Variants in TTLL4 observed in about 807,000 individuals in gnomAD.
The protein encoded by TTLL4 is tubulin monoglutamylase TTLL4.
A neutral mutation model predicts 122.7 loss-of-function variants in TTLL4; 85 were observed. The ratio of observed to expected loss-of-function variants is 0.69; its 90% confidence interval spans 0.58 to 0.83. The LOEUF (loss-of-function observed/expected upper bound fraction) is 0.83. TTLL4 is among the 40% of genes least tolerant of loss of function. The pLI is 0.00. For missense variants in TTLL4, 1,363 were observed against 1,488.6 expected (o/e 0.92, Z 1.39); for synonymous variants, 553 against 563.0 (o/e 0.98, Z 0.25).
intron 18 of TTLL4, 58 bp downstream of exon 18, chr2:218,753,243 A>T: frequency 6.3e-7 from 1 of 1,589,084 alleles, no homozygotes; most frequent in African/African-American, 1.3e-5. Context: ...CCTCTGCCTT[A>T]TGAGTGCAGC....
chr2:218,750,226 G>A, intron 15 of TTLL4, 80 bp downstream of exon 15: 1 of 1,540,224 alleles, frequency 6.5e-7, no homozygotes, highest in Admixed American at 2.0e-5. Flanking sequence ...TGGGTTCTGG[G>A]TGCTCCCTTC....
intron 2 of TTLL4, among the ~76,000 whole-genome samples, chr2:218,732,648 C>A (rs886867303): frequency 2.0e-5 from 3 of 152,200 alleles, no homozygotes; most frequent in Non-Finnish European, 2.9e-5. Flanking sequence ...TCACTTCCTT[C>A]ACTTCTTAGA....
At chr2:218,745,425 C>A in intron 6 of TTLL4, 192 bp downstream of exon 6, 1 of 709,978 alleles carries the variant, frequency 1.4e-6, no homozygotes, top group Non-Finnish European at 2.3e-6. Flanking sequence ...TTAGCTGACC[C>A]TTTTCAGCCT....
chr2:218,729,928 G>A (rs1381299086), intron 2 of TTLL4, among the ~76,000 whole-genome samples: 3 of 151,916 alleles, frequency 2.0e-5, no homozygotes, highest in African/African-American at 7.3e-5. Context: ...ATTTTTTGTA[G>A]AGATAATGTC....
chr2:218,752,117 A>G (rs891920664), intron 16 of TTLL4, among the ~76,000 whole-genome samples: 2 of 152,134 alleles, frequency 1.3e-5, no homozygotes, highest in African/African-American at 4.8e-5. Context: ...CATGTTGGTC[A>G]GGCTGGTCTC....
chr2:218,755,515 C>T (rs985623528), downstream of TTLL4: 1 of 152,110 alleles, frequency 6.6e-6, no homozygotes, highest in South Asian at 2.1e-4. Flanking sequence ...GAAAGTGGAA[C>T]CTGGGAACAG....
intron 15 of TTLL4, among the ~76,000 whole-genome samples, chr2:218,750,691 T>C (rs1445393632): frequency 6.6e-6 from 1 of 152,174 alleles, no homozygotes; most frequent in African/African-American, 2.4e-5. Flanking sequence ...TAAGGACCAG[T>C]TGGTCCAGTC....
intron 12 of TTLL4, 186 bp from the exon 13 acceptor site, chr2:218,748,650 A>G (rs1942916963): frequency 4.0e-6 from 2 of 498,680 alleles, no homozygotes; most frequent in South Asian, 2.5e-5. Flanking sequence ...GTGAAACTCC[A>G]TCTCAAAAAA....
intron 4 of TTLL4, 37 bp downstream of exon 4, chr2:218,740,204 G>A (rs775054927): frequency 1.4e-5 from 22 of 1,598,326 alleles, no homozygotes; most frequent in Non-Finnish European, 1.2e-5. Context: ...ACTAGGAGTT[G>A]GTTATGACCT....
At chr2:218,723,911 A>G (rs1942114132) in intron 1 of TTLL4, among the ~76,000 whole-genome samples, 1 of 152,212 alleles carries the variant, frequency 6.6e-6, no homozygotes, top group Admixed American at 6.5e-5. Flanking sequence ...CAATATTTGG[A>G]TAAGATCTGT....
In TTLL4 at chr2:218,748,670, A is replaced by AAAAG. The variant is rs1942918636; in HGVS notation, c.2502-163_2502-162insGAAA. On this transcript the variant is annotated intron_variant, in intron 12 of 19. Transcript: ENST00000392102. ...ACTCCATCTCAAAAAAAAAAAAAAA[A>AAAAG]AAAAAGAATTGGTCTATTTGCATCC... The AAAAG allele has an allele frequency of 3.3e-5, 19 of 573,136 alleles. No homozygotes were observed. The South Asian group carries it at 4.7e-4, about 14-fold the overall frequency. 35.5% of individuals were successfully genotyped at this position (573,136 alleles called of 1,614,324 possible).
At chr2:218,743,559 ATGCCCAGGAG>A (rs1444535283) in intron 5 of TTLL4, among the ~76,000 whole-genome samples, 6 of 152,198 alleles carry the variant, frequency 3.9e-5, no homozygotes, top group Non-Finnish European at 7.3e-5. Context: ...TCTGGGATAA[ATGCCCAGGAG>A]TGCAATTGCT....
intron 8 of TTLL4, 54 bp downstream of exon 8, chr2:218,746,285 G>A (rs1244153226): frequency 3.1e-6 from 5 of 1,593,792 alleles, no homozygotes; most frequent in African/African-American, 1.3e-5. Flanking sequence ...AGGCCAAGAG[G>A]AGGGGGATGA....
At chr2:218,750,609 C>T (rs995642259) in intron 15 of TTLL4, among the ~76,000 whole-genome samples, 4 of 152,142 alleles carry the variant, frequency 2.6e-5, no homozygotes, top group Non-Finnish European at 5.9e-5. Flanking sequence ...ATCTCTCTTT[C>T]TTCTTCCTCT....
Position 218,747,148 on chromosome 2 carries a change from G to A in TTLL4, c.2120G>A (p.Arg707His), listed in dbSNP as rs115789963. The A allele has an allele frequency of 2.8e-3, 4,552 of 1,614,186 alleles. 12 individuals carry two copies. The highest frequency in any genetic ancestry group is 3.5e-3 in the Non-Finnish European group (4,167 of 1,180,036). ...FILPQDAKLLRKAWESSSRQK... is the reference protein window; with the variant it reads ...FILPQDAKLLHKAWESSSRQK... Reference sequence around the variant, plus strand: ...CTGCCCCAGGACGCCAAGCTCCTGCGCAAAGCGTGGGAGAGCAGCAGCCGC... The same window carrying A: ...CTGCCCCAGGACGCCAAGCTCCTGCACAAAGCGTGGGAGAGCAGCAGCCGC... The change falls in exon 9 of 20, where the codon CGC becomes CAC. Residue 707 changes from arginine (R) to histidine (H), a missense_variant. Physicochemically the swap from Arg to His is conservative, Grantham distance 29. This residue lies in a region of TTLL4 where 596 missense variants were observed against 655.8 expected (regional missense o/e 0.91). Transcript: ENST00000392102. This position sits in a 1 kb window ranked among gnomAD's most constrained non-coding sequence, Gnocchi z 4.7.
At position 218,738,244 on chromosome 2, in the gene TTLL4, G is replaced by A. The variant is rs531115885; in HGVS notation, c.568G>A (p.Glu190Lys). The stretch of plus-strand genomic sequence containing the variant: ...ATACCTCTGCTTGGCAGCGGCTGGG[G>A]AAAACCCTTCAGGGAAGAGCCTGGC... ...EPYLCLAAAG[E>K]NPSGKSLASA... The change falls in exon 3 of 20, where the codon GAA becomes AAA. Residue 190 changes from glutamate (E) to lysine (K), a missense_variant. Coordinates refer to ENST00000392102, the MANE Select transcript of TTLL4 (RefSeq NM_014640.5). The A allele has an allele frequency of 6.2e-7, 1 of 1,613,912 alleles. No homozygotes were observed. Among genetic ancestry groups the A allele is most frequent in the African/African-American group, 1.3e-5 (1 of 74,988 alleles).
At chr2:218,743,254 T>G (rs183010181) in intron 5 of TTLL4, among the ~76,000 whole-genome samples, 27 of 152,340 alleles carry the variant, frequency 1.8e-4, no homozygotes, top group Admixed American at 1.5e-3. Context: ...TAGTTCTCCT[T>G]TTTGTCATTT....
In TTLL4 at chr2:218,754,730, G is replaced by A; in HGVS notation, c.*341G>A. The A allele has an allele frequency of 3.0e-6, 1 of 335,476 alleles. No homozygotes were observed. The highest frequency in any genetic ancestry group is 5.5e-6 in the Non-Finnish European group (1 of 181,256). 20.8% of individuals were successfully genotyped at this position (335,476 alleles called of 1,614,324 possible). ...GTGGTTTGTCTGGGGGCCCTGGTGT[G>A]GTTGCTGAGTTGTAGCTCAAGAGGA... On this transcript the variant is annotated 3_prime_UTR_variant, in exon 20 of 20. Coordinates refer to ENST00000392102, the MANE Select transcript of TTLL4 (RefSeq NM_014640.5).
chr2:218,720,847 C>T (rs570276139), intron 1 of TTLL4, among the ~76,000 whole-genome samples: 1 of 152,232 alleles, frequency 6.6e-6, no homozygotes, highest in East Asian at 1.9e-4. Flanking sequence ...CCGAGAGAAC[C>T]AACCATGTGA....
Sources: gnomAD v4.1 joint callset for allele counts (sites outside exome capture counted in the v4.1 genomes callset) on GRCh38, gnomAD v4.1.1 for gene constraint, gnomAD v4.1.1 regional missense constraint, Gnocchi (gnomAD v3.1) non-coding constraint, MANE v1.5 for transcripts, NCBI Gene and HGNC (gene_info 2026-07-23, HGNC 2026-07-21) for gene names.